NECAB2: variants seen among roughly 807,000 people sequenced by gnomAD.
The protein encoded by NECAB2 is N-terminal EF-hand calcium binding protein 2.
A neutral mutation model predicts 51.9 loss-of-function variants in NECAB2; 68 were observed. The observed-to-expected ratio is 1.31, with a 90% CI of 1.08 to 1.60. NECAB2 has a LOEUF of 1.60. Ranked by LOEUF, NECAB2 falls within the 40% of genes most tolerant of loss-of-function variation. The probability of loss-of-function intolerance (pLI) is 0.00; values close to 1 mark genes in which losing one functional copy is unlikely to be tolerated. For missense variants in NECAB2, 854 were observed against 490.3 expected, an observed-to-expected ratio of 1.74 and a Z score of -7.00; for synonymous variants, 329 against 203.5, an observed-to-expected ratio of 1.62 and a Z score of -5.25.
intron 5 of NECAB2, among the ~76,000 whole-genome samples, chr16:83,984,290 CG>C (rs2084525131): frequency 6.6e-6 from 1 of 151,826 alleles, no homozygotes; most frequent in South Asian, 2.1e-4. Context: ...CCACCGCGCC[CG>C]GCGGAATATT....
intron 8 of NECAB2, among the ~76,000 whole-genome samples, chr16:83,995,828 T>C (rs72793630): frequency 6.6e-6 from 1 of 152,186 alleles, no homozygotes; most frequent in Non-Finnish European, 1.5e-5. Flanking sequence ...TGAGGTGGAG[T>C]TACCCCCTTC....
At chr16:83,993,473 C>T (rs1431552894) in intron 6 of NECAB2, 4 of 154,182 alleles carry the variant, frequency 2.6e-5, no homozygotes, top group African/African-American at 9.6e-5. Flanking sequence ...GGGCCGTGCA[C>T]AGGGCACTCT....
intron 9 of NECAB2, among the ~76,000 whole-genome samples, 172 bp downstream of exon 9, chr16:83,997,441 C>G (rs1197036001): frequency 6.6e-6 from 1 of 151,720 alleles, no homozygotes; most frequent in African/African-American, 2.4e-5. Flanking sequence ...AGGAGCCACC[C>G]CACCAACTCC....
chr16:83,985,985 T>C (rs2084547896), intron 5 of NECAB2, among the ~76,000 whole-genome samples: 1 of 152,212 alleles, frequency 6.6e-6, no homozygotes, highest in African/African-American at 2.4e-5. Flanking sequence ...CTTCTGCAGG[T>C]ATTAAAATAC....
chr16:83,990,624 A>G lies in NECAB2; in HGVS notation c.590A>G (p.Gln197Arg). ...GAGGCCATCGAGGAACAGACCAGCCAGCTCCGGTGAGTCTCTGAGACCCTG... is the reference window on the plus strand; with the variant it reads ...GAGGCCATCGAGGAACAGACCAGCCGGCTCCGGTGAGTCTCTGAGACCCTG... ...AVEAIEEQTS[Q>R]LRQNHIKPSH... Residue 197 changes from glutamine to arginine, a missense_variant, in exon 6 of 13, where the codon CAG becomes CGG. Physicochemically the swap from Gln to Arg is conservative, Grantham distance 43. Coordinates refer to ENST00000305202, the MANE Select transcript of NECAB2 (RefSeq NM_019065.3). 1 of 1,614,068 alleles carries G rather than the reference A, an allele frequency of 6.2e-7. No homozygotes were observed. Among genetic ancestry groups the G allele is most frequent in the South Asian group, 1.1e-5 (1 of 91,086 alleles).
intron 5 of NECAB2, among the ~76,000 whole-genome samples, chr16:83,983,561 T>A (rs961023948): frequency 3.3e-5 from 5 of 152,254 alleles, no homozygotes; most frequent in Non-Finnish European, 7.3e-5. Flanking sequence ...TTTTTTCAAA[T>A]GCCTTTTGGT....
intron 10 of NECAB2, 30 bp from the exon 11 acceptor site, chr16:84,000,694 C>T (rs774081448): frequency 3.7e-6 from 6 of 1,609,742 alleles, no homozygotes; most frequent in Non-Finnish European, 5.1e-6. Flanking sequence ...TGAGCTCCAG[C>T]CTCCTCCCCC....
rs1381566853 is a variant in NECAB2, at chr16:83,970,486, C to G, written c.201+1637C>G. ...GAGGGGTGATGTTTGAGAGGCCCTC[C>G]CATAGCTGTGCTTCAGTCTCACCGC... On this transcript the variant is annotated intron_variant, in intron 1 of 12. Coordinates refer to ENST00000305202, the MANE Select transcript of NECAB2 (RefSeq NM_019065.3). Among the ~76,000 whole-genome samples, 14 of 152,058 alleles carry G rather than the reference C, an allele frequency of 9.2e-5. 1 individual carries two copies. Among genetic ancestry groups the G allele is most frequent in the Non-Finnish European group, 2.9e-5 (2 of 67,986 alleles).
chr16:83,986,423 A>G (rs1195411646), intron 5 of NECAB2, among the ~76,000 whole-genome samples: 1 of 152,254 alleles, frequency 6.6e-6, no homozygotes, highest in East Asian at 1.9e-4. Flanking sequence ...AGCAATTCCG[A>G]AATCAGTTGG....
rs2084312310 is a variant in NECAB2 at position 83,968,472 on chromosome 16, G to C, written c.-177G>C. On this transcript the variant is annotated 5_prime_UTR_variant, in exon 1 of 13. Transcript: ENST00000305202. ...GCGGCGGGGAGCGGGCACGTGGCTC[G>C]GGGTCCGGCCGGCCCGCCCCCCGGC... is the stretch of plus-strand genomic sequence containing the variant. Among the ~76,000 whole-genome samples the C allele has an allele frequency of 6.9e-6, 1 of 145,534 alleles. No homozygotes were observed. Among genetic ancestry groups the C allele is most frequent in the African/African-American group, 2.5e-5 (1 of 40,566 alleles).
intron 7 of NECAB2, 53 bp downstream of exon 7, chr16:83,994,473 T>A: frequency 6.2e-7 from 1 of 1,600,634 alleles, no homozygotes; most frequent in Non-Finnish European, 8.6e-7. Flanking sequence ...TCCCGAGGAG[T>A]TCTGAGAGTC....
At position 84,001,810 on chromosome 16, in the gene NECAB2, GTCCC is replaced by G; in HGVS notation, c.1041-13_1041-10del. 6.2e-7 allele frequency: 1 copy of G among 1,613,708 alleles called. No homozygotes were observed. Among genetic ancestry groups the G allele is most frequent in the Non-Finnish European group, 8.5e-7 (1 of 1,179,760 alleles). Reference sequence around the variant, plus strand: ...CTCCTGCCACCCCTGACTCACACATGTCCCTGCGTCACAGGCACCTGCAGAGCCC... The same window carrying G: ...CTCCTGCCACCCCTGACTCACACATGTGCGTCACAGGCACCTGCAGAGCCC... On this transcript the variant is annotated splice_polypyrimidine_tract_variant and intron_variant, in intron 11 of 12. Coordinates refer to ENST00000305202, the MANE Select transcript of NECAB2 (RefSeq NM_019065.3).
rs569871735 is a variant in NECAB2 at position 83,986,142 on chromosome 16, G to C, written c.460-4352G>C. Among the ~76,000 whole-genome samples, 211 of 152,086 alleles carry C rather than the reference G, an allele frequency of 1.4e-3. 1 individual carries two copies. The highest frequency in any genetic ancestry group is 4.9e-3 in the African/African-American group (205 of 41,482). ...AGCGATTCTTCCACCTCAGCCTCCC[G>C]AGTAGCTGGGATTACAGGCGTGCAC... On this transcript the variant is annotated intron_variant, in intron 5 of 12. Coordinates refer to ENST00000305202, the MANE Select transcript of NECAB2 (RefSeq NM_019065.3).
chr16:83,997,886 G>A (rs1431176905), intron 9 of NECAB2, among the ~76,000 whole-genome samples: 1 of 152,134 alleles, frequency 6.6e-6, no homozygotes, highest in African/African-American at 2.4e-5. Flanking sequence ...CATCAACTAT[G>A]AGTTTTTCTT....
chr16:83,998,898 C>T (rs1339909804), intron 10 of NECAB2, among the ~76,000 whole-genome samples: 1 of 152,190 alleles, frequency 6.6e-6, no homozygotes, highest in African/African-American at 2.4e-5. Flanking sequence ...CTTGGTAAAG[C>T]TAAGGCATGT....
At chr16:83,999,263 C>G (rs887486774) in intron 10 of NECAB2, among the ~76,000 whole-genome samples, 1 of 148,624 alleles carries the variant, frequency 6.7e-6, no homozygotes, top group Admixed American at 6.6e-5. Flanking sequence ...AGTAAGTAGC[C>G]AGGATGGGGG....
intron 5 of NECAB2, among the ~76,000 whole-genome samples, chr16:83,984,153 G>A (rs892176915): frequency 1.3e-5 from 2 of 151,796 alleles, no homozygotes; most frequent in East Asian, 2.0e-4. Flanking sequence ...CCGCTACTAC[G>A]CCTGGCTAAT....
intron 9 of NECAB2, among the ~76,000 whole-genome samples, 167 bp downstream of exon 9, chr16:83,997,436 C>G (rs139948427): frequency 6.6e-6 from 1 of 151,016 alleles, no homozygotes; most frequent in Non-Finnish European, 1.5e-5. Context: ...GGCACAGGAG[C>G]CACCCCACCA....
At chr16:83,998,888 C>T (rs956342788) in intron 10 of NECAB2, among the ~76,000 whole-genome samples, 6 of 152,196 alleles carry the variant, frequency 3.9e-5, no homozygotes, top group Admixed American at 6.5e-5. Flanking sequence ...GATGTAGCTC[C>T]TTGGTAAAGC....
Sources: gnomAD v4.1 joint callset for allele counts (sites outside exome capture counted in the v4.1 genomes callset) on GRCh38, gnomAD v4.1.1 for gene constraint, MANE v1.5 for transcripts, NCBI Gene and HGNC (gene_info 2026-07-23, HGNC 2026-07-21) for gene names.